ADCY2: variants seen among roughly 807,000 people sequenced by gnomAD.
ADCY2 encodes adenylate cyclase type 2.
A neutral mutation model predicts 125.2 loss-of-function variants in ADCY2; 31 were observed. That is an observed-to-expected ratio of 0.25 (90% CI 0.19 to 0.33). ADCY2 has a LOEUF of 0.33. Ranked by LOEUF, ADCY2 falls within the 10% of genes least tolerant of loss-of-function variation. The pLI, the probability that ADCY2 is intolerant of heterozygous loss-of-function variation, is 1.00. For synonymous variants in ADCY2, 512 were observed against 548.4 expected, an observed-to-expected ratio of 0.93 and a Z score of 0.93; for missense variants, 904 against 1,418.2, an observed-to-expected ratio of 0.64 and a Z score of 5.82.
chr5:7,579,532 G>A (rs1469000559), intron 3 of ADCY2, among the ~76,000 whole-genome samples: 2 of 152,112 alleles, frequency 1.3e-5, no homozygotes, highest in Non-Finnish European at 2.9e-5. Flanking sequence ...CCAGGAGGAC[G>A]GATGAGAGGA....
At chr5:7,414,536 A>T in intron 1 of ADCY2, 37 bp from the exon 2 acceptor site, 1 of 1,556,324 alleles carries the variant, frequency 6.4e-7, no homozygotes. Context: ...AGTGTCTCTA[A>T]ATGGTAACTT....
intron 2 of ADCY2, among the ~76,000 whole-genome samples, chr5:7,504,760 G>A (rs1274724665): frequency 6.6e-6 from 1 of 150,574 alleles, no homozygotes; most frequent in Non-Finnish European, 1.5e-5. Flanking sequence ...CCACCTGTCT[G>A]TACCTCTCAA....
rs1289785332 is a variant in ADCY2, at chr5:7,784,353, G to GT, written c.2385-6dup. The GT allele has an allele frequency of 6.2e-7, 1 of 1,607,524 alleles. No individual in the cohort carries two copies. Among genetic ancestry groups the GT allele is most frequent in the African/African-American group, 1.3e-5 (1 of 74,736 alleles). On this transcript the variant is annotated splice_polypyrimidine_tract_variant and intron_variant, in intron 18 of 24. Coordinates refer to ENST00000338316, the MANE Select transcript of ADCY2 (RefSeq NM_020546.3). ...TGCATTGTTGTCTGTTTGTCTGTCT[G>GT]TTTTTTAATAGACCAGGCATTTGGA...
At chr5:7,494,140 T>C (rs1294574961) in intron 2 of ADCY2, among the ~76,000 whole-genome samples, 1 of 152,176 alleles carries the variant, frequency 6.6e-6, no homozygotes, top group Non-Finnish European at 1.5e-5. Context: ...ACATGCACCC[T>C]GCTTTGCTGG....
chr5:7,587,449 C>T lies in ADCY2; in HGVS notation c.571-38718C>T, dbSNP rs561108464. On this transcript the variant is annotated intron_variant, in intron 3 of 24. Coordinates refer to ENST00000338316, the MANE Select transcript of ADCY2 (RefSeq NM_020546.3). ...TTTTTACTTTAAGTCAAAGCATTGA[C>T]ATCTATTATAAATATCATACATGAT... 6.6e-5 allele frequency among the ~76,000 whole-genome samples: 10 copies of T among 152,292 alleles called. No homozygotes were observed. In the East Asian group the frequency reaches 1.7e-3, roughly 26 times the overall value.
At chr5:7,729,945 G>C (rs1742049545) in intron 14 of ADCY2, among the ~76,000 whole-genome samples, 1 of 151,664 alleles carries the variant, frequency 6.6e-6, no homozygotes, top group Admixed American at 6.6e-5. Flanking sequence ...GATGAATGTA[G>C]AGTGGTGAAG....
chr5:7,756,582 A>G (rs1362448970), intron 15 of ADCY2, among the ~76,000 whole-genome samples: 1 of 152,214 alleles, frequency 6.6e-6, no homozygotes, highest in African/African-American at 2.4e-5. Flanking sequence ...CCAGTCACAA[A>G]AGGAGAACTA....
intron 2 of ADCY2, among the ~76,000 whole-genome samples, chr5:7,428,547 T>C (rs1223598965): frequency 6.6e-6 from 1 of 152,206 alleles, no homozygotes; most frequent in Non-Finnish European, 1.5e-5. Flanking sequence ...TTATGTGAAA[T>C]TGAATTATTT....
intron 20 of ADCY2, among the ~76,000 whole-genome samples, chr5:7,792,217 C>CAAAAAAAAAAAAAA (rs57224712): frequency 1.0e-5 from 1 of 99,446 alleles, no homozygotes; most frequent in African/African-American, 4.3e-5. Flanking sequence ...ACTAAAAATA[C>CAAAAAAAAAAAAAA]AAAAAAAAAA....
At chr5:7,755,319 C>T (rs552830627) in intron 15 of ADCY2, among the ~76,000 whole-genome samples, 6 of 152,092 alleles carry the variant, frequency 3.9e-5, no homozygotes, top group Non-Finnish European at 8.8e-5. Flanking sequence ...GAAGTGAACC[C>T]GGAACCTGGT....
intron 3 of ADCY2, among the ~76,000 whole-genome samples, chr5:7,557,269 A>G (rs1561092612): frequency 7.0e-6 from 1 of 143,864 alleles, no homozygotes. Flanking sequence ...TAGTAATCAG[A>G]AGAATGCAAA....
intron 3 of ADCY2, among the ~76,000 whole-genome samples, chr5:7,534,967 CCTT>C (rs1209958146): frequency 1.3e-5 from 2 of 152,212 alleles, no homozygotes; most frequent in African/African-American, 2.4e-5. Flanking sequence ...TCCCACCTCT[CCTT>C]CTGTTGCACA....
At chr5:7,446,103 C>T (rs1741240982) in intron 2 of ADCY2, among the ~76,000 whole-genome samples, 1 of 152,126 alleles carries the variant, frequency 6.6e-6, no homozygotes, top group African/African-American at 2.4e-5. Context: ...TAAGAGCTGG[C>T]ATTTGGACTA....
chr5:7,696,490 G>T (rs1191043129), intron 6 of ADCY2, among the ~76,000 whole-genome samples: 1 of 152,138 alleles, frequency 6.6e-6, no homozygotes, highest in African/African-American at 2.4e-5. Context: ...TATTAGAACT[G>T]CCACAGTTGC....
chr5:7,596,733 G>A (rs537161404), intron 3 of ADCY2, among the ~76,000 whole-genome samples: 28 of 152,136 alleles, frequency 1.8e-4, no homozygotes, highest in Non-Finnish European at 3.2e-4. Context: ...CCCCACCTGT[G>A]TTGTTGCTGT....
intron 7 of ADCY2, among the ~76,000 whole-genome samples, chr5:7,702,497 C>A (rs1271970076): frequency 6.6e-6 from 1 of 151,736 alleles, no homozygotes; most frequent in African/African-American, 2.4e-5. Flanking sequence ...TTTGTCCTTG[C>A]GATAGTTTGC....
intron 4 of ADCY2, among the ~76,000 whole-genome samples, chr5:7,642,938 A>G (rs1297047767): frequency 6.6e-6 from 1 of 152,104 alleles, no homozygotes; most frequent in Non-Finnish European, 1.5e-5. Context: ...CAGCCTTTCA[A>G]GAGCTCATTA....
intron 16 of ADCY2, among the ~76,000 whole-genome samples, chr5:7,758,100 G>A (rs1743075513): frequency 4.6e-5 from 7 of 152,170 alleles, no homozygotes; most frequent in Admixed American, 4.6e-4. Context: ...CTCACCAGCT[G>A]CACGACTAGA....
intron 4 of ADCY2, 102 bp from the exon 5 acceptor site, chr5:7,690,589 C>T: frequency 9.0e-7 from 1 of 1,114,996 alleles, no homozygotes; most frequent in Non-Finnish European, 1.2e-6. Flanking sequence ...GAAAGAATTC[C>T]CAAACTGGCC....
Sources: allele counts gnomAD v4.1 joint callset (sites outside exome capture counted in the v4.1 genomes callset), GRCh38; gene constraint gnomAD v4.1.1; transcripts MANE v1.5; gene names NCBI Gene and HGNC (gene_info 2026-07-23, HGNC 2026-07-21).